The following SORCS3 variants were observed in gnomAD, a reference collection of about 807,000 sequenced individuals.
The protein encoded by SORCS3 is sortilin related VPS10 domain containing receptor 3.
SORCS3 carries 57 observed loss-of-function variants against 146.3 expected under a neutral mutation model. That is an observed-to-expected ratio of 0.39 (90% CI 0.31 to 0.49). The LOEUF (loss-of-function observed/expected upper bound fraction) is 0.49, where lower values mean the gene tolerates loss of function less well. SORCS3 is among the 20% of genes least tolerant of loss of function. The probability of loss-of-function intolerance (pLI) is 0.92; values close to 1 mark genes in which losing one functional copy is unlikely to be tolerated. For synonymous variants in SORCS3, 653 were observed against 618.5 expected (o/e 1.06, Z -0.83); for missense variants, 1,341 against 1,575.5 (o/e 0.85, Z 2.52).
chr10:105,074,562 T>A (rs767421324), intron 5 of SORCS3, among the ~76,000 whole-genome samples: 3 of 152,220 alleles, frequency 2.0e-5, no homozygotes, highest in Non-Finnish European at 2.9e-5. Context: ...ATGTCTCTCA[T>A]AAGATAGTGC....
intron 14 of SORCS3, among the ~76,000 whole-genome samples, chr10:105,198,542 G>A (rs1256834667): frequency 6.6e-6 from 1 of 152,182 alleles, no homozygotes; most frequent in Non-Finnish European, 1.5e-5. Flanking sequence ...TTAGAGCTAA[G>A]AAATGGAAAT....
At chr10:105,071,013 A>G (rs2055553138) in intron 5 of SORCS3, among the ~76,000 whole-genome samples, 1 of 151,620 alleles carries the variant, frequency 6.6e-6, no homozygotes, top group Non-Finnish European at 1.5e-5. Flanking sequence ...TGGGAGAGGT[A>G]TTGTCCAGTC....
In SORCS3 at chr10:105,223,221, A is replaced by G; in HGVS notation, c.2840A>G (p.Tyr947Cys). The G allele has an allele frequency of 1.9e-6, 3 of 1,611,870 alleles. No homozygotes were observed. The highest frequency in any genetic ancestry group is 2.5e-6 in the Non-Finnish European group (3 of 1,178,482). Reference sequence around the variant, plus strand: ...CCCAGTCAACTGGGGACCCTTACCTATTTCTGGTGGTTCGGCAATAGCACA... The same window carrying G: ...CCCAGTCAACTGGGGACCCTTACCTGTTTCTGGTGGTTCGGCAATAGCACA... ...VWPSQLGTLT[Y>C]FWWFGNSTKP... is the part of the protein sequence containing the mutation. The change falls in exon 20 of 27, where the codon TAT becomes TGT. Residue 947 changes from tyrosine to cysteine, a missense_variant. Tyr to Cys is a radical substitution (Grantham distance 194). Coordinates refer to ENST00000369701, the MANE Select transcript of SORCS3 (RefSeq NM_014978.3).
At chr10:104,880,653 T>C (rs1444980122) in intron 2 of SORCS3, among the ~76,000 whole-genome samples, 1 of 152,056 alleles carries the variant, frequency 6.6e-6, no homozygotes, top group Non-Finnish European at 1.5e-5. Flanking sequence ...CAGCAGGCCC[T>C]CCCCCGTCTG....
chr10:104,734,729 G>T (rs1414807249), intron 1 of SORCS3, among the ~76,000 whole-genome samples: 2 of 152,214 alleles, frequency 1.3e-5, no homozygotes, highest in Non-Finnish European at 2.9e-5. Flanking sequence ...CTTTTAACGG[G>T]AGAGACCATG....
intron 1 of SORCS3, among the ~76,000 whole-genome samples, chr10:104,693,025 G>A (rs2016132646): frequency 1.3e-5 from 2 of 152,158 alleles, no homozygotes; most frequent in South Asian, 4.1e-4. Flanking sequence ...AGAAACACTA[G>A]TCTACCCCAG....
At chr10:104,666,880 A>T (rs752166887) in intron 1 of SORCS3, among the ~76,000 whole-genome samples, 3 of 152,066 alleles carry the variant, frequency 2.0e-5, no homozygotes, top group Non-Finnish European at 2.9e-5. Context: ...TCTTTGGACT[A>T]TTGGATCAGA....
chr10:104,788,799 T>C (rs1158989903), intron 1 of SORCS3, among the ~76,000 whole-genome samples: 1 of 152,234 alleles, frequency 6.6e-6, no homozygotes, highest in Non-Finnish European at 1.5e-5. Flanking sequence ...GAACTCTCAT[T>C]ATTATGTGGG....
At chr10:105,000,451 C>T (rs1016661798) in intron 4 of SORCS3, among the ~76,000 whole-genome samples, 5 of 151,900 alleles carry the variant, frequency 3.3e-5, no homozygotes, top group East Asian at 1.9e-4. Context: ...TATTCCCCAC[C>T]GGTGGTGGTG....
chr10:105,189,178 C>T (rs1400154620), intron 14 of SORCS3, among the ~76,000 whole-genome samples: 1 of 152,144 alleles, frequency 6.6e-6, no homozygotes, highest in Admixed American at 6.5e-5. Flanking sequence ...CTTTGCCTGC[C>T]CTCAGCTTGC....
chr10:104,928,510 C>A (rs1024743548), intron 3 of SORCS3, among the ~76,000 whole-genome samples: 1 of 149,808 alleles, frequency 6.7e-6, no homozygotes, highest in Non-Finnish European at 1.5e-5. Context: ...ATCACCACCA[C>A]TGGTGAAAGA....
intron 1 of SORCS3, among the ~76,000 whole-genome samples, chr10:104,668,980 T>C (rs902445346): frequency 2.0e-5 from 3 of 152,196 alleles, no homozygotes; most frequent in Admixed American, 6.5e-5. Flanking sequence ...GGGAAGTTAG[T>C]TCAGCTGGAC....
chr10:104,781,211 C>T (rs2017370447), intron 1 of SORCS3, among the ~76,000 whole-genome samples: 2 of 152,210 alleles, frequency 1.3e-5, no homozygotes, highest in East Asian at 3.9e-4. Context: ...CAACAGTTGA[C>T]AGCAAGTCAT....
intron 1 of SORCS3, among the ~76,000 whole-genome samples, chr10:104,711,837 G>T (rs561193723): frequency 4.6e-5 from 7 of 152,298 alleles, no homozygotes; most frequent in Admixed American, 4.6e-4. Flanking sequence ...TGAGCTAAGG[G>T]TGTTGTCCTG....
Position 104,641,435 on chromosome 10 carries a change from T to G in SORCS3, c.108T>G (p.Thr36=). The G allele has an allele frequency of 8.2e-6, 12 of 1,471,342 alleles. No individual in the cohort carries two copies. The highest frequency in any genetic ancestry group is 1.1e-5 in the Non-Finnish European group (12 of 1,118,440). 91.1% of individuals were successfully genotyped at this position (1,471,342 alleles called of 1,614,324 possible). ...STWVLAGAEI[T]WDATGGPGRP... ...GGGTCCTGGCCGGCGCCGAGATCACTTGGGACGCGACAGGCGGTCCCGGAC... is the reference window on the plus strand; with the variant it reads ...GGGTCCTGGCCGGCGCCGAGATCACGTGGGACGCGACAGGCGGTCCCGGAC... Residue 36 remains threonine, a synonymous_variant, in exon 1 of 27, where the codon ACT becomes ACG. Coordinates refer to ENST00000369701, the MANE Select transcript of SORCS3 (RefSeq NM_014978.3). This position sits in a 1 kb window ranked among gnomAD's most constrained non-coding sequence, Gnocchi z 6.4.
At chr10:105,221,989 T>C (rs182135650) in intron 19 of SORCS3, among the ~76,000 whole-genome samples, 1 of 148,684 alleles carries the variant, frequency 6.7e-6, no homozygotes, top group Admixed American at 6.7e-5. Context: ...GGAGAAAAAA[T>C]CTTGCAGTGT....
At chr10:104,683,033 C>T (rs2015998122) in intron 1 of SORCS3, among the ~76,000 whole-genome samples, 1 of 152,198 alleles carries the variant, frequency 6.6e-6, no homozygotes, top group African/African-American at 2.4e-5. Context: ...CTACCCTTGA[C>T]ATCTAAGCAT....
intron 5 of SORCS3, among the ~76,000 whole-genome samples, chr10:105,073,039 T>C (rs923601592): frequency 3.3e-5 from 5 of 152,132 alleles, no homozygotes; most frequent in Admixed American, 6.6e-5. Flanking sequence ...ATATAGCTAT[T>C]GGGTAGTGGG....
chr10:105,079,002 A>G (rs1370979494), intron 5 of SORCS3, among the ~76,000 whole-genome samples: 2 of 152,152 alleles, frequency 1.3e-5, no homozygotes, highest in East Asian at 3.9e-4. Flanking sequence ...CATTCCTATC[A>G]CCCAAGAGCA....
Sources: allele counts gnomAD v4.1 joint callset (sites outside exome capture counted in the v4.1 genomes callset), GRCh38; gene constraint gnomAD v4.1.1; non-coding constraint Gnocchi (gnomAD v3.1); transcripts MANE v1.5; gene names NCBI Gene and HGNC (gene_info 2026-07-23, HGNC 2026-07-21).